UHRF1: variants seen among roughly 807,000 people sequenced by gnomAD.
UHRF1 encodes the protein ubiquitin like with PHD and ring finger domains 1.
In UHRF1, 9 loss-of-function variants were observed where a neutral mutation model predicts 96.5. The observed-to-expected ratio is 0.09, with a 90% CI of 0.06 to 0.16. The LOEUF is 0.16. Among genes scored for constraint, UHRF1 ranks in the 10% least tolerant of loss-of-function variants. UHRF1 has a pLI of 1.00. For missense variants in UHRF1, 626 were observed against 1,131.1 expected (o/e 0.55, Z 6.40); for synonymous variants, 455 against 469.9 (o/e 0.97, Z 0.41).
rs1599295511 is a variant in UHRF1, at chr19:4,950,924, G to A, written c.1746G>A (p.Arg582=). 1 of 1,613,328 alleles carries A rather than the reference G, an allele frequency of 6.2e-7. No homozygotes were observed. The highest frequency in any genetic ancestry group is 2.2e-5 in the East Asian group (1 of 44,876). The change falls in exon 13 of 17, where the codon AGG becomes AGA. Residue 582 remains arginine, a synonymous_variant. Coordinates refer to ENST00000650932, the MANE Select transcript of UHRF1 (RefSeq NM_001048201.3). ...GFLVWRYLLR[R]DDDEPGPWTK... is the part of the protein sequence containing the mutation. The stretch of plus-strand genomic sequence containing the variant: ...TCGTGTGGCGCTACCTTCTGCGGAG[G>A]GACGATGATGAGCCTGGCCCTTGGA...
At chr19:4,959,012 C>T (rs2033926335) in intron 16 of UHRF1, among the ~76,000 whole-genome samples, 1 of 151,202 alleles carries the variant, frequency 6.6e-6, no homozygotes, top group South Asian at 2.1e-4. Context: ...GCATCTCACT[C>T]TGTCGCCCAG....
intron 2 of UHRF1, among the ~76,000 whole-genome samples, chr19:4,914,133 A>G (rs2032400000): frequency 1.3e-5 from 2 of 152,040 alleles, no homozygotes; most frequent in South Asian, 4.1e-4. Context: ...GCCCCCATGC[A>G]GTAGCTTTTA....
intron 2 of UHRF1, among the ~76,000 whole-genome samples, chr19:4,918,715 G>GTTTTT (rs536401524): frequency 2.6e-5 from 3 of 115,310 alleles, no homozygotes; most frequent in African/African-American, 3.6e-5. Flanking sequence ...TGCCCAGCTG[G>GTTTTT]TTTTTTTTTT....
At chr19:4,958,709 T>C (rs1280267401) in intron 16 of UHRF1, among the ~76,000 whole-genome samples, 1 of 152,156 alleles carries the variant, frequency 6.6e-6, no homozygotes, top group Non-Finnish European at 1.5e-5. Context: ...TGGTGGCTAA[T>C]GCCTGTAATC....
intron 2 of UHRF1, among the ~76,000 whole-genome samples, chr19:4,924,725 C>T (rs764199309): frequency 3.3e-5 from 5 of 152,186 alleles, no homozygotes; most frequent in South Asian, 2.1e-4. Context: ...CCCCACAGAG[C>T]GGTGCATCGG....
chr19:4,933,061 C>A, intron 5 of UHRF1, 105 bp downstream of exon 5: 1 of 1,261,630 alleles, frequency 7.9e-7, no homozygotes, highest in Non-Finnish European at 1.1e-6. Flanking sequence ...GTGTGCGAGG[C>A]CCTTAGCCTC....
chr19:4,943,694 A>G lies in UHRF1; in HGVS notation c.1074-438A>G, dbSNP rs112333579. On this transcript the variant is annotated intron_variant, in intron 7 of 16. Transcript: ENST00000650932. Reference sequence around the variant, plus strand: ...GAGATAGAGTCTTGCTCTGTCCTCCAGGCTGGAGTGCAGTGGTGCAACCTC... The same window carrying G: ...GAGATAGAGTCTTGCTCTGTCCTCCGGGCTGGAGTGCAGTGGTGCAACCTC... Among the ~76,000 whole-genome samples the G allele has an allele frequency of 7.7e-3, 1,171 of 152,044 alleles. 10 individuals are homozygous for G. Among genetic ancestry groups the G allele is most frequent in the African/African-American group, 0.027 (1,115 of 41,460 alleles).
intron 13 of UHRF1, among the ~76,000 whole-genome samples, chr19:4,952,284 G>C (rs576524172): frequency 6.6e-6 from 1 of 152,076 alleles, no homozygotes; most frequent in South Asian, 2.1e-4. Context: ...AGTAGAGACG[G>C]GGTTTCACCA....
At chr19:4,921,517 G>A (rs552987835) in intron 2 of UHRF1, among the ~76,000 whole-genome samples, 1 of 152,314 alleles carries the variant, frequency 6.6e-6, no homozygotes, top group Admixed American at 6.5e-5. Flanking sequence ...CACTTTGGGA[G>A]GCTGAGTCAG....
At chr19:4,917,029 C>T (rs1476270119) in intron 2 of UHRF1, among the ~76,000 whole-genome samples, 1 of 151,406 alleles carries the variant, frequency 6.6e-6, no homozygotes, top group African/African-American at 2.4e-5. Context: ...TGAAAGAGAG[C>T]CCCTGAATGT....
At chr19:4,944,600 T>G in intron 9 of UHRF1, 150 bp downstream of exon 9, 2 of 813,772 alleles carry the variant, frequency 2.5e-6, no homozygotes, top group East Asian at 2.7e-5. Context: ...GCCTGCAGGT[T>G]TGGGTTTACT....
intron 11 of UHRF1, among the ~76,000 whole-genome samples, chr19:4,947,668 T>C (rs906070016): frequency 6.6e-6 from 1 of 151,850 alleles, no homozygotes; most frequent in Non-Finnish European, 1.5e-5. Context: ...GCCTGGCTAA[T>C]TTTTGTATTT....
At chr19:4,959,896 T>C (rs551074534) in intron 16 of UHRF1, among the ~76,000 whole-genome samples, 1 of 152,332 alleles carries the variant, frequency 6.6e-6, no homozygotes, top group South Asian at 2.1e-4. Flanking sequence ...AGTCTTGCCC[T>C]GTCACCCAGG....
chr19:4,921,608 T>A (rs1399133289), intron 2 of UHRF1, among the ~76,000 whole-genome samples: 1 of 151,966 alleles, frequency 6.6e-6, no homozygotes, highest in African/African-American at 2.4e-5. Flanking sequence ...TACAAAAAAC[T>A]TTCTGGACGT....
chr19:4,947,848 C>T (rs746444614), intron 11 of UHRF1, among the ~76,000 whole-genome samples: 22 of 151,516 alleles, frequency 1.5e-4, no homozygotes, highest in African/African-American at 3.1e-4. Flanking sequence ...CTGTAATTCT[C>T]GCGCTTCAGG....
In UHRF1 at chr19:4,919,521, T is replaced by C. The variant is rs186144726; in HGVS notation, c.153+8483T>C. On this transcript the variant is annotated intron_variant, in intron 2 of 16. Coordinates refer to ENST00000650932, the MANE Select transcript of UHRF1 (RefSeq NM_001048201.3). Reference sequence around the variant, plus strand: ...GTTTCACTGTGTTAGCCAGGATGGTTTCGATCTCCTGACCTCATGATCCAC... The same window carrying C: ...GTTTCACTGTGTTAGCCAGGATGGTCTCGATCTCCTGACCTCATGATCCAC... 2.7e-3 allele frequency among the ~76,000 whole-genome samples: 411 copies of C among 151,972 alleles called. 4 individuals carry two copies. Among genetic ancestry groups the C allele is most frequent in the African/African-American group, 9.0e-3 (374 of 41,466 alleles).
chr19:4,955,416 C>T (rs75699355), intron 15 of UHRF1, among the ~76,000 whole-genome samples: 1,809 of 152,184 alleles, frequency 0.012, 21 homozygotes, highest in Non-Finnish European at 0.02. Flanking sequence ...CGCCCTCTCT[C>T]GGGAGGACCT....
intron 2 of UHRF1, among the ~76,000 whole-genome samples, chr19:4,915,160 G>T (rs189634664): frequency 2.8e-4 from 43 of 152,372 alleles, no homozygotes; most frequent in Middle Eastern, 6.8e-3. Flanking sequence ...GAATGGCCTT[G>T]CAAGAGTCAC....
chr19:4,946,892 T>C (rs182940625), intron 10 of UHRF1, among the ~76,000 whole-genome samples: 4 of 152,110 alleles, frequency 2.6e-5, no homozygotes, highest in Admixed American at 2.0e-4. Context: ...TTAAGTTTCT[T>C]GAGGACGCAC....
Sources: gnomAD v4.1 joint callset for allele counts (sites outside exome capture counted in the v4.1 genomes callset) on GRCh38, gnomAD v4.1.1 for gene constraint, MANE v1.5 for transcripts, NCBI Gene and HGNC (gene_info 2026-07-23, HGNC 2026-07-21) for gene names.